Variants in BTBD1 observed in about 807,000 individuals in gnomAD.
The protein encoded by BTBD1 is BTB domain containing 1.
In BTBD1, 34 loss-of-function variants were observed where a neutral mutation model predicts 48.0. That is an observed-to-expected ratio of 0.71 (90% CI 0.54 to 0.94). The LOEUF is 0.94. Among genes scored for constraint, BTBD1 ranks in the 40% least tolerant of loss-of-function variants. The pLI, the probability that BTBD1 is intolerant of heterozygous loss-of-function variation, is 0.00. For synonymous variants in BTBD1, 261 were observed against 242.1 expected (o/e 1.08, Z -0.72); for missense variants, 543 against 625.6 (o/e 0.87, Z 1.41).
chr15:83,040,699 C>CAAAAAA (rs71156070), intron 4 of BTBD1, among the ~76,000 whole-genome samples: 1 of 57,224 alleles, frequency 1.7e-5, no homozygotes, highest in Non-Finnish European at 3.5e-5. Flanking sequence ...GACCCTGTCT[C>CAAAAAA]AAAAAAAAAA....
intron 2 of BTBD1, among the ~76,000 whole-genome samples, chr15:83,054,469 T>C (rs554393681): frequency 1.3e-5 from 2 of 152,264 alleles, no homozygotes; most frequent in African/African-American, 4.8e-5. Flanking sequence ...TCTGTAATTA[T>C]GTCCAAGAAG....
chr15:83,025,871 G>T (rs543314551), intron 5 of BTBD1, among the ~76,000 whole-genome samples: 2 of 152,030 alleles, frequency 1.3e-5, no homozygotes, highest in African/African-American at 2.4e-5. Context: ...CCGGGTTCAC[G>T]CAATTCTCCT....
At chr15:83,025,584 T>C (rs985924637) in intron 5 of BTBD1, among the ~76,000 whole-genome samples, 1 of 152,062 alleles carries the variant, frequency 6.6e-6, no homozygotes, top group African/African-American at 2.4e-5. Flanking sequence ...GTTACTGTTA[T>C]GAATGGGATT....
rs1397489204 is a variant in BTBD1 at position 83,067,226 on chromosome 15, G to A, written c.-75C>T. The A allele has an allele frequency of 5.4e-6, 7 of 1,298,594 alleles. No homozygotes were observed. Among genetic ancestry groups the A allele is most frequent in the South Asian group, 2.1e-5 (1 of 47,138 alleles). The allele number at this position is 1,298,594 out of a possible 1,614,324, so 80.4% of individuals were successfully genotyped here. A position where few individuals can be genotyped will look rare whatever the true frequency, so the allele number is the denominator to read the frequency against. Reference sequence around the variant, plus strand: ...GCCCAGGCCGCCTCCGGAGGCCGGCGCTGCCTCCCTGCCTTCCGGGAAAGG... The same window carrying A: ...GCCCAGGCCGCCTCCGGAGGCCGGCACTGCCTCCCTGCCTTCCGGGAAAGG... On this transcript the variant is annotated 5_prime_UTR_variant, in exon 1 of 8. Transcript: ENST00000261721.
In BTBD1 at chr15:83,030,330, T is replaced by C; in HGVS notation, c.863-2A>G. On this transcript the variant is annotated splice_acceptor_variant, in intron 4 of 7. Transcript: ENST00000261721. LOFTEE classifies it high-confidence loss of function. ...ACAAAATTCCAGATTGAGCAGGACC[T>C]GTGGAAATAAAAACATAAGCCTAAA... The C allele has an allele frequency of 6.2e-7, 1 of 1,600,424 alleles. No homozygotes were observed. Among genetic ancestry groups the C allele is most frequent in the Non-Finnish European group, 8.5e-7 (1 of 1,172,718 alleles).
chr15:83,041,252 A>C (rs971091475), intron 4 of BTBD1, among the ~76,000 whole-genome samples: 4 of 152,078 alleles, frequency 2.6e-5, no homozygotes, highest in Non-Finnish European at 1.5e-5. Context: ...TAACCTATAC[A>C]ATGTGGATAA....
At chr15:83,029,422 T>C (rs1730607696) in intron 5 of BTBD1, 1 of 152,242 alleles carries the variant, frequency 6.6e-6, no homozygotes, top group Admixed American at 6.5e-5. Flanking sequence ...TATAAATGTA[T>C]ACTGAGATAC....
intron 4 of BTBD1, among the ~76,000 whole-genome samples, chr15:83,032,838 G>T (rs540894390): frequency 2.0e-5 from 3 of 152,094 alleles, no homozygotes; most frequent in African/African-American, 7.2e-5. Context: ...CAAGGGCGGT[G>T]GTGGGTGCCT....
At chr15:83,049,587 C>CT (rs3837693) in intron 3 of BTBD1, among the ~76,000 whole-genome samples, 17,913 of 151,364 alleles carry the variant, frequency 0.12, 1,117 homozygotes, top group Middle Eastern at 0.22. Flanking sequence ...TATGTCCTCT[C>CT]TTTTTTTTTA....
At chr15:83,022,487 C>T (rs1240143778) in intron 5 of BTBD1, 3 of 151,616 alleles carry the variant, frequency 2.0e-5, no homozygotes, top group Non-Finnish European at 2.9e-5. Flanking sequence ...GCCTGGCCAA[C>T]ATGGTGAAGC....
At chr15:83,057,251 G>C (rs2033103033) in intron 1 of BTBD1, among the ~76,000 whole-genome samples, 1 of 152,304 alleles carries the variant, frequency 6.6e-6, no homozygotes. Context: ...ACTGTTTTCA[G>C]TGCCATACAG....
chr15:83,042,283 ATTCATTCG>A (rs757995278), intron 3 of BTBD1, among the ~76,000 whole-genome samples: 6 of 148,678 alleles, frequency 4.0e-5, no homozygotes, highest in Non-Finnish European at 7.4e-5. Context: ...ACAGATTATA[ATTCATTCG>A]TTCATTCAGT....
intron 7 of BTBD1, among the ~76,000 whole-genome samples, chr15:83,018,495 C>T (rs552006804): frequency 6.6e-6 from 1 of 152,348 alleles, no homozygotes; most frequent in Non-Finnish European, 1.5e-5. Context: ...CTTACTGAAA[C>T]AAAGGGCTAC....
At chr15:83,055,603 T>TA (rs1193681637) in intron 2 of BTBD1, among the ~76,000 whole-genome samples, 2 of 152,202 alleles carry the variant, frequency 1.3e-5, no homozygotes, top group African/African-American at 4.8e-5. Flanking sequence ...AGTGAAAACT[T>TA]AAAAATGTCA....
rs555716709 is a variant in BTBD1 at position 83,067,027 on chromosome 15, C to T, written c.125G>A (p.Arg42Gln). ...CGCCTGCCAGTTGTAGAGAGGTTCC[C>T]GCTGCAGGGGGAGCAGGGGCCCCAG... ...SSLGPLLPLQ[R>Q]EPLYNWQATK... Residue 42 changes from arginine (R) to glutamine (Q), a missense_variant, in exon 1 of 8, where the codon CGG becomes CAG. Transcript: ENST00000261721. 3 of 1,582,670 alleles carry T rather than the reference C, an allele frequency of 1.9e-6. No individual in the cohort carries two copies. The South Asian group carries it at 3.4e-5, about 18-fold the overall frequency.
intron 5 of BTBD1, among the ~76,000 whole-genome samples, chr15:83,029,264 G>A (rs1158075326): frequency 1.3e-5 from 2 of 152,226 alleles, no homozygotes; most frequent in East Asian, 3.9e-4. Context: ...TTAAATAAAT[G>A]AAAATCCAAA....
At chr15:83,066,673 T>C (rs2033278316) in intron 1 of BTBD1, 78 bp downstream of exon 1, 3 of 1,265,598 alleles carry the variant, frequency 2.4e-6, no homozygotes, top group Non-Finnish European at 3.0e-6. Context: ...GGAGTCCGGG[T>C]AGGCCGGGCC....
rs570967939 is a variant in BTBD1 at position 83,067,218 on chromosome 15, A to G, written c.-67T>C. ...CCGCCATCGCCCAGGCCGCCTCCGG[A>G]GGCCGGCGCTGCCTCCCTGCCTTCC... On this transcript the variant is annotated 5_prime_UTR_variant, in exon 1 of 8. Coordinates refer to ENST00000261721, the MANE Select transcript of BTBD1 (RefSeq NM_025238.4). 1,105 of 1,318,174 alleles carry G rather than the reference A, an allele frequency of 8.4e-4. 2 individuals are homozygous for G. Among genetic ancestry groups the G allele is most frequent in the Middle Eastern group, 2.6e-3 (9 of 3,478 alleles). 81.7% of individuals were successfully genotyped at this position (1,318,174 alleles called of 1,614,324 possible). A position where few individuals can be genotyped will look rare whatever the true frequency, so the allele number is the denominator to read the frequency against.
At chr15:83,056,285 T>C in intron 2 of BTBD1, 104 bp downstream of exon 2, 1 of 716,390 alleles carries the variant, frequency 1.4e-6, no homozygotes, top group East Asian at 2.8e-5. Flanking sequence ...TTTTATATAC[T>C]TTAAAATTAT....
Sources: gnomAD v4.1 joint callset for allele counts (sites outside exome capture counted in the v4.1 genomes callset) on GRCh38, gnomAD v4.1.1 for gene constraint, MANE v1.5 for transcripts, NCBI Gene and HGNC (gene_info 2026-07-23, HGNC 2026-07-21) for gene names.